The following BMPR1B variants were observed in gnomAD, a reference collection of about 807,000 sequenced individuals.
BMPR1B encodes the protein bone morphogenetic protein receptor type 1B.
BMPR1B carries 12 observed loss-of-function variants against 59.1 expected under a neutral mutation model. That is an observed-to-expected ratio of 0.20 (90% CI 0.13 to 0.33). The LOEUF (loss-of-function observed/expected upper bound fraction) is 0.33, where lower values mean the gene tolerates loss of function less well. Ranked by LOEUF, BMPR1B falls within the 10% of genes least tolerant of loss-of-function variation. The probability of loss-of-function intolerance (pLI) is 1.00; values close to 1 mark genes in which losing one functional copy is unlikely to be tolerated. For missense variants in BMPR1B, 550 were observed against 610.9 expected (o/e 0.90, Z 1.05); for synonymous variants, 237 against 207.3 (o/e 1.14, Z -1.23).
chr4:94,807,778 G>A (rs1444171950), intron 1 of BMPR1B, among the ~76,000 whole-genome samples: 9 of 152,072 alleles, frequency 5.9e-5, no homozygotes, highest in Non-Finnish European at 1.2e-4. Flanking sequence ...TCTTCCTCCC[G>A]GGTTCAAGAG....
At chr4:94,891,900 G>A (rs563076426) in intron 2 of BMPR1B, among the ~76,000 whole-genome samples, 1 of 152,138 alleles carries the variant, frequency 6.6e-6, no homozygotes, top group Non-Finnish European at 1.5e-5. Context: ...ACCATGCCAA[G>A]CCCTGTGCCA....
At position 94,837,596 on chromosome 4, in the gene BMPR1B, G is replaced by A. The variant is rs1411103036; in HGVS notation, c.-182-38235G>A. On this transcript the variant is annotated intron_variant, in intron 1 of 12. Transcript: ENST00000515059. ...GTGTATAAGAATGCTTGTGATTTTT[G>A]TACATTGATTTTGTATCCTGAGACT... is the stretch of plus-strand genomic sequence containing the variant. Among the ~76,000 whole-genome samples the A allele has an allele frequency of 2.1e-5, 3 of 141,856 alleles. 1 individual carries two copies. The highest frequency in any genetic ancestry group is 4.7e-5 in the Non-Finnish European group (3 of 64,422). The allele number at this position is 141,856 out of a possible 152,430, so 93.1% of individuals were successfully genotyped here. A position where few individuals can be genotyped will look rare whatever the true frequency, so the allele number is the denominator to read the frequency against.
intron 6 of BMPR1B, among the ~76,000 whole-genome samples, chr4:95,118,987 A>G (rs1732273364): frequency 6.6e-6 from 1 of 152,196 alleles, no homozygotes; most frequent in African/African-American, 2.4e-5. Context: ...CAGAAATATA[A>G]TAAGATAAGT....
chr4:94,949,028 G>T (rs1446242495), intron 2 of BMPR1B, among the ~76,000 whole-genome samples: 3 of 152,134 alleles, frequency 2.0e-5, no homozygotes, highest in African/African-American at 7.2e-5. Context: ...GAACATGCAG[G>T]TTTGTTACAT....
chr4:94,792,848 T>C (rs776175848), intron 1 of BMPR1B, among the ~76,000 whole-genome samples: 16 of 152,154 alleles, frequency 1.1e-4, no homozygotes, highest in Non-Finnish European at 1.5e-4. Context: ...CCCTTAGATA[T>C]ACAAAAGTTA....
chr4:94,814,457 T>A (rs933257095), intron 1 of BMPR1B, among the ~76,000 whole-genome samples: 4 of 152,330 alleles, frequency 2.6e-5, no homozygotes, highest in African/African-American at 9.6e-5. Flanking sequence ...AAGAGAATAA[T>A]TGCTTGGTGG....
At position 95,124,859 on chromosome 4, in the gene BMPR1B, A is replaced by G. The variant is rs1479672118; in HGVS notation, c.447-124A>G. The G allele has an allele frequency of 6.9e-6, 6 of 865,800 alleles. No homozygotes were observed. In the African/African-American group the frequency reaches 1.0e-4, roughly 15 times the overall value. The allele number at this position is 865,800 out of a possible 1,614,324, so 53.6% of individuals were successfully genotyped here. A position where few individuals can be genotyped will look rare whatever the true frequency, so the allele number is the denominator to read the frequency against. ...ACCATAACTAAGAGTAAAAAATATGAAGCATTTAATGTATTATATTTAGGT... is the reference window on the plus strand; with the variant it reads ...ACCATAACTAAGAGTAAAAAATATGGAGCATTTAATGTATTATATTTAGGT... On this transcript the variant is annotated intron_variant, in intron 7 of 12. Coordinates refer to ENST00000515059, the MANE Select transcript of BMPR1B (RefSeq NM_001203.3).
intron 2 of BMPR1B, among the ~76,000 whole-genome samples, chr4:94,978,971 C>T (rs1286938805): frequency 6.6e-6 from 1 of 151,892 alleles, no homozygotes; most frequent in Non-Finnish European, 1.5e-5. Context: ...CACACACACA[C>T]ACACACACGA....
intron 1 of BMPR1B, among the ~76,000 whole-genome samples, chr4:94,836,057 A>G (rs1181177307): frequency 1.6e-4 from 23 of 148,290 alleles, no homozygotes; most frequent in Non-Finnish European, 2.2e-4. Flanking sequence ...ATGATTTCCA[A>G]TTTCATCCAT....
At chr4:95,015,711 TGA>T (rs1723538246) in intron 3 of BMPR1B, among the ~76,000 whole-genome samples, 14 of 146,888 alleles carry the variant, frequency 9.5e-5, no homozygotes, top group African/African-American at 3.5e-4. Context: ...TTTTTTTTTT[TGA>T]GACAGAGTCT....
At chr4:94,778,803 A>G (rs1233691022) in intron 1 of BMPR1B, among the ~76,000 whole-genome samples, 1 of 151,984 alleles carries the variant, frequency 6.6e-6, no homozygotes, top group African/African-American at 2.4e-5. Context: ...CATTTTGTCC[A>G]TTTGTTCTTT....
chr4:95,127,337 G>A (rs919885212), intron 8 of BMPR1B, among the ~76,000 whole-genome samples: 1 of 152,132 alleles, frequency 6.6e-6, no homozygotes, highest in Middle Eastern at 3.4e-3. Flanking sequence ...AAAAAATTTT[G>A]AAGTTATATT....
chr4:94,919,261 T>C (rs1728600754), intron 2 of BMPR1B, among the ~76,000 whole-genome samples: 1 of 152,180 alleles, frequency 6.6e-6, no homozygotes. Context: ...CACGATGCAT[T>C]ATATTCCCTT....
At chr4:95,116,414 AGC>A (rs746066664) in intron 6 of BMPR1B, among the ~76,000 whole-genome samples, 17 of 74,256 alleles carry the variant, frequency 2.3e-4, no homozygotes, top group African/African-American at 6.8e-4. Flanking sequence ...CCATGCTTTC[AGC>A]GCGCGCACAC....
intron 2 of BMPR1B, among the ~76,000 whole-genome samples, chr4:94,923,126 C>T (rs1173074414): frequency 6.6e-6 from 1 of 152,044 alleles, no homozygotes; most frequent in Non-Finnish European, 1.5e-5. Context: ...ATCTTATATA[C>T]TTTGTTTATC....
At chr4:94,790,587 T>C (rs1722944056) in intron 1 of BMPR1B, among the ~76,000 whole-genome samples, 1 of 152,208 alleles carries the variant, frequency 6.6e-6, no homozygotes, top group African/African-American at 2.4e-5. Flanking sequence ...GTAGATGTGT[T>C]GCAATCTAGG....
chr4:94,985,050 G>T (rs1337262248), intron 2 of BMPR1B, among the ~76,000 whole-genome samples: 1 of 152,172 alleles, frequency 6.6e-6, no homozygotes, highest in Non-Finnish European at 1.5e-5. Flanking sequence ...CCTGTGAACA[G>T]ATGGCATGGT....
intron 1 of BMPR1B, among the ~76,000 whole-genome samples, chr4:94,808,863 C>A (rs572168252): frequency 6.6e-6 from 1 of 151,966 alleles, no homozygotes; most frequent in Non-Finnish European, 1.5e-5. Context: ...GAGACCAGCT[C>A]GGCCAACATG....
chr4:94,764,379 G>A (rs1391883816), intron 1 of BMPR1B, among the ~76,000 whole-genome samples: 1 of 152,084 alleles, frequency 6.6e-6, no homozygotes, highest in Non-Finnish European at 1.5e-5. Flanking sequence ...TCTTCCCAAG[G>A]TATTCTTCTC....
Sources: gnomAD v4.1 joint callset for allele counts (sites outside exome capture counted in the v4.1 genomes callset) on GRCh38, gnomAD v4.1.1 for gene constraint, MANE v1.5 for transcripts, NCBI Gene and HGNC (gene_info 2026-07-23, HGNC 2026-07-21) for gene names.